The following DCC variants were observed in gnomAD, a reference collection of about 807,000 sequenced individuals.
The protein encoded by DCC is netrin receptor DCC.
Under a neutral mutation model 172.5 loss-of-function variants are expected in DCC, and 58 were observed. The ratio of observed to expected loss-of-function variants is 0.34; its 90% CI spans 0.27 to 0.42. The LOEUF is 0.42. Ranked by LOEUF, DCC falls within the 10% of genes least tolerant of loss-of-function variation. The probability of loss-of-function intolerance (pLI) is 1.00; values close to 1 mark genes in which losing one functional copy is unlikely to be tolerated. For synonymous variants in DCC, 709 were observed against 644.5 expected (o/e 1.10, Z -1.52); for missense variants, 1,740 against 1,791.0 (o/e 0.97, Z 0.51).
chr18:53,082,683 T>C (rs2042823530), intron 7 of DCC, among the ~76,000 whole-genome samples: 1 of 152,146 alleles, frequency 6.6e-6, no homozygotes, highest in Non-Finnish European at 1.5e-5. Context: ...TCTTGTTTAC[T>C]AAAAACCTCT....
intron 2 of DCC, among the ~76,000 whole-genome samples, chr18:52,764,661 A>T (rs1218556642): frequency 6.6e-6 from 1 of 152,216 alleles, no homozygotes; most frequent in Non-Finnish European, 1.5e-5. Flanking sequence ...TCAGAAGTAG[A>T]TGTTGGCACC....
chr18:52,373,805 T>C (rs1284381419), intron 1 of DCC, among the ~76,000 whole-genome samples: 1 of 152,038 alleles, frequency 6.6e-6, no homozygotes, highest in African/African-American at 2.4e-5. Flanking sequence ...TTAAACCTTA[T>C]CCTCTCTCTC....
chr18:53,223,107 G>A (rs980743692), intron 12 of DCC, among the ~76,000 whole-genome samples: 1 of 152,088 alleles, frequency 6.6e-6, no homozygotes, highest in Non-Finnish European at 1.5e-5. Context: ...ATTTGAATAA[G>A]TTAGAGACAT....
chr18:52,353,613 G>GT (rs1984228046), intron 1 of DCC, among the ~76,000 whole-genome samples: 1 of 152,222 alleles, frequency 6.6e-6, no homozygotes, highest in African/African-American at 2.4e-5. Context: ...TGTAACAGAG[G>GT]TTTTTGAAGA....
chr18:52,876,688 T>C (rs115774928), intron 2 of DCC, among the ~76,000 whole-genome samples: 2,305 of 152,282 alleles, frequency 0.015, 43 homozygotes, highest in African/African-American at 0.039. Context: ...CCCATAAATA[T>C]CTTTGTAAAT....
At chr18:53,334,305 C>T (rs1055601580) in intron 14 of DCC, among the ~76,000 whole-genome samples, 1 of 152,170 alleles carries the variant, frequency 6.6e-6, no homozygotes, top group Non-Finnish European at 1.5e-5. Context: ...TCTCCTTCTA[C>T]TTAGAATAAA....
chr18:52,989,698 C>A (rs1017822222), intron 5 of DCC, among the ~76,000 whole-genome samples: 1 of 152,100 alleles, frequency 6.6e-6, no homozygotes, highest in African/African-American at 2.4e-5. Context: ...TTCTCCCTTC[C>A]CTGGCAAGTC....
chr18:52,845,493 C>G (rs1482147354), intron 2 of DCC, among the ~76,000 whole-genome samples: 3 of 152,124 alleles, frequency 2.0e-5, no homozygotes, highest in Admixed American at 2.0e-4. Flanking sequence ...AGCAATACAA[C>G]CAGATCTCTT....
intron 1 of DCC, among the ~76,000 whole-genome samples, chr18:52,617,678 C>T (rs2034408935): frequency 6.6e-6 from 1 of 152,072 alleles, no homozygotes; most frequent in Non-Finnish European, 1.5e-5. Context: ...ATTGTCTTAT[C>T]TTTGCTTTCT....
chr18:53,110,155 C>T (rs568166350), intron 7 of DCC, among the ~76,000 whole-genome samples: 35 of 151,520 alleles, frequency 2.3e-4, no homozygotes, highest in African/African-American at 7.0e-4. Flanking sequence ...GAGTTAGAAA[C>T]GAAATATTTA....
At chr18:53,470,067 C>T (rs760804360) in intron 25 of DCC, among the ~76,000 whole-genome samples, 2 of 152,110 alleles carry the variant, frequency 1.3e-5, no homozygotes, top group Non-Finnish European at 1.5e-5. Context: ...TCTTCTTCCT[C>T]CTGATCTCTA....
intron 1 of DCC, among the ~76,000 whole-genome samples, chr18:52,680,378 G>C (rs1280047112): frequency 1.3e-5 from 2 of 152,086 alleles, no homozygotes; most frequent in African/African-American, 4.8e-5. Context: ...TGCTGGCTCT[G>C]CCAGCTAACC....
intron 27 of DCC, among the ~76,000 whole-genome samples, chr18:53,522,635 C>T (rs1468419366): frequency 6.6e-6 from 1 of 152,132 alleles, no homozygotes; most frequent in African/African-American, 2.4e-5. Context: ...ACCATCTGAT[C>T]TTTGACAAAC....
chr18:53,462,283 C>T (rs2045568875), intron 24 of DCC, among the ~76,000 whole-genome samples: 1 of 152,088 alleles, frequency 6.6e-6, no homozygotes, highest in Non-Finnish European at 1.5e-5. Flanking sequence ...AAGAGCAAAG[C>T]TTCATATGTA....
chr18:52,453,172 G>A lies in DCC; in HGVS notation c.91+112294G>A, dbSNP rs554212521. ...CAGCTAAGCTCTTGTAGAACATGAC[G>A]TATTATATCAGCATAGATTTCAGTA... On this transcript the variant is annotated intron_variant, in intron 1 of 28. Coordinates refer to ENST00000442544, the MANE Select transcript of DCC (RefSeq NM_005215.4). Among the ~76,000 whole-genome samples the A allele has an allele frequency of 5.3e-5, 8 of 152,244 alleles. No individual in the cohort carries two copies. In the South Asian group the frequency reaches 1.0e-3, roughly 20 times the overall value.
At chr18:53,523,348 C>T (rs2046421238) in intron 27 of DCC, among the ~76,000 whole-genome samples, 1 of 152,118 alleles carries the variant, frequency 6.6e-6, no homozygotes, top group Admixed American at 6.5e-5. Flanking sequence ...TTGTGGAAGA[C>T]AATATGGTGA....
intron 1 of DCC, among the ~76,000 whole-genome samples, chr18:52,576,549 G>A (rs2033414398): frequency 6.6e-6 from 1 of 152,074 alleles, no homozygotes; most frequent in African/African-American, 2.4e-5. Context: ...TGTAGTTTCC[G>A]CCGGGCACAG....
chr18:52,637,862 T>A (rs778908596), intron 1 of DCC, among the ~76,000 whole-genome samples: 9 of 152,124 alleles, frequency 5.9e-5, no homozygotes, highest in South Asian at 2.1e-4. Flanking sequence ...AGGCACATTG[T>A]CATTGGGTTA....
At chr18:52,739,372 G>A (rs185592356) in intron 1 of DCC, among the ~76,000 whole-genome samples, 2 of 152,002 alleles carry the variant, frequency 1.3e-5, no homozygotes, top group African/African-American at 4.8e-5. Context: ...TATTCAACAG[G>A]TATTTGTTAA....
Sources: gnomAD v4.1 joint callset for allele counts (sites outside exome capture counted in the v4.1 genomes callset) on GRCh38, gnomAD v4.1.1 for gene constraint, MANE v1.5 for transcripts, NCBI Gene and HGNC (gene_info 2026-07-23, HGNC 2026-07-21) for gene names.